BMPR1B: variants seen among roughly 807,000 people sequenced by gnomAD.
BMPR1B encodes the protein bone morphogenetic protein receptor type-1B.
BMPR1B carries 12 observed loss-of-function variants against 59.1 expected under a neutral mutation model. The observed-to-expected ratio is 0.20, with a 90% CI of 0.13 to 0.33. BMPR1B has a LOEUF of 0.33. BMPR1B is among the 10% of genes least tolerant of loss of function. BMPR1B has a pLI of 1.00. For synonymous variants in BMPR1B, 237 were observed against 207.3 expected (o/e 1.14, Z -1.23); for missense variants, 550 against 610.9 (o/e 0.90, Z 1.05).
intron 2 of BMPR1B, among the ~76,000 whole-genome samples, chr4:94,929,388 T>A (rs1729008409): frequency 6.6e-6 from 1 of 152,134 alleles, no homozygotes; most frequent in Non-Finnish European, 1.5e-5. Flanking sequence ...AACTTTTGTA[T>A]CACTTCTGTT....
At chr4:94,972,601 A>G (rs1445553049) in intron 2 of BMPR1B, among the ~76,000 whole-genome samples, 1 of 151,668 alleles carries the variant, frequency 6.6e-6, no homozygotes, top group Non-Finnish European at 1.5e-5. Flanking sequence ...ATAATATTTC[A>G]TCATTGGTCA....
chr4:95,071,483 CATACTG>C (rs2149219830), intron 3 of BMPR1B, among the ~76,000 whole-genome samples: 1 of 151,954 alleles, frequency 6.6e-6, no homozygotes, highest in Non-Finnish European at 1.5e-5. Flanking sequence ...TGTTTAATCT[CATACTG>C]ATACTTTGCA....
chr4:95,066,168 C>A (rs1338160210), intron 3 of BMPR1B, among the ~76,000 whole-genome samples: 4 of 152,164 alleles, frequency 2.6e-5, no homozygotes, highest in Non-Finnish European at 5.9e-5. Context: ...AGGCCCTAGG[C>A]CAGAAAGGCT....
At chr4:94,948,465 T>A (rs572903784) in intron 2 of BMPR1B, among the ~76,000 whole-genome samples, 6 of 152,132 alleles carry the variant, frequency 3.9e-5, no homozygotes, top group Non-Finnish European at 8.8e-5. Context: ...ACAAAACCAG[T>A]ATTTTTGCGG....
intron 1 of BMPR1B, among the ~76,000 whole-genome samples, chr4:94,800,040 T>G (rs1723347869): frequency 1.3e-5 from 2 of 152,200 alleles, no homozygotes; most frequent in Admixed American, 1.3e-4. Flanking sequence ...TAGTGTAGTA[T>G]TTTTGATTGG....
chr4:95,118,809 G>A (rs1243570304), intron 6 of BMPR1B, among the ~76,000 whole-genome samples: 1 of 152,154 alleles, frequency 6.6e-6, no homozygotes, highest in Non-Finnish European at 1.5e-5. Context: ...GAAACAAAAG[G>A]TTTATTGATA....
intron 2 of BMPR1B, among the ~76,000 whole-genome samples, chr4:94,987,519 C>T (rs553815811): frequency 7.2e-4 from 109 of 152,078 alleles, no homozygotes; most frequent in African/African-American, 2.3e-3. Flanking sequence ...TCTCCTCTCC[C>T]ATTGAGACCA....
intron 3 of BMPR1B, among the ~76,000 whole-genome samples, chr4:95,101,497 TC>T (rs1378694670): frequency 1.3e-5 from 2 of 152,076 alleles, no homozygotes; most frequent in African/African-American, 4.8e-5. Flanking sequence ...AATATCCCCT[TC>T]CCCCTTTTAG....
chr4:95,124,653 A>G (rs1307319463), intron 7 of BMPR1B, among the ~76,000 whole-genome samples: 1 of 152,034 alleles, frequency 6.6e-6, no homozygotes, highest in East Asian at 1.9e-4. Flanking sequence ...AAAAGATTTT[A>G]AGGAATAATA....
intron 10 of BMPR1B, among the ~76,000 whole-genome samples, chr4:95,140,253 G>C (rs991129696): frequency 9.9e-5 from 15 of 152,036 alleles, no homozygotes; most frequent in African/African-American, 3.6e-4. Context: ...GCCTTTCCCT[G>C]GTGCTCATTA....
chr4:94,945,966 A>G (rs150252556), intron 2 of BMPR1B, among the ~76,000 whole-genome samples: 385 of 152,190 alleles, frequency 2.5e-3, no homozygotes, highest in African/African-American at 8.7e-3. Context: ...TAACTTTGAA[A>G]TAATGTCTTT....
At chr4:95,010,536 T>C (rs1044375447) in intron 3 of BMPR1B, among the ~76,000 whole-genome samples, 1 of 152,156 alleles carries the variant, frequency 6.6e-6, no homozygotes, top group Non-Finnish European at 1.5e-5. Flanking sequence ...AAAAGAGAAA[T>C]TTCAGTAGTA....
At chr4:94,963,330 A>G (rs1360308149) in intron 2 of BMPR1B, among the ~76,000 whole-genome samples, 1 of 152,092 alleles carries the variant, frequency 6.6e-6, no homozygotes, top group East Asian at 1.9e-4. Context: ...TTTGTTATGC[A>G]GGAGCTTTTC....
At chr4:94,927,852 T>A (rs1728948954) in intron 2 of BMPR1B, among the ~76,000 whole-genome samples, 1 of 152,128 alleles carries the variant, frequency 6.6e-6, no homozygotes, top group Non-Finnish European at 1.5e-5. Flanking sequence ...AGGGCCTAAT[T>A]GCATTGTGGC....
At chr4:95,059,318 A>T (rs1437970645) in intron 3 of BMPR1B, among the ~76,000 whole-genome samples, 1 of 152,222 alleles carries the variant, frequency 6.6e-6, no homozygotes, top group African/African-American at 2.4e-5. Context: ...TCTTATATAT[A>T]TATGTGTGTG....
chr4:94,854,987 T>C (rs950116279), intron 1 of BMPR1B, among the ~76,000 whole-genome samples: 2 of 152,202 alleles, frequency 1.3e-5, no homozygotes, highest in African/African-American at 2.4e-5. Context: ...TCACATTCTT[T>C]TATTCCAGAA....
rs1194133275 is a variant in BMPR1B, at chr4:94,812,819, G to A, written c.-183+54751G>A. Among the ~76,000 whole-genome samples the A allele has an allele frequency of 2.6e-5, 4 of 152,168 alleles. No individual in the cohort carries two copies. The East Asian group carries it at 7.7e-4, about 29-fold the overall frequency. On this transcript the variant is annotated intron_variant, in intron 1 of 12. Transcript: ENST00000515059. ...GTCATTAGAAATTGAAAGGATAACA[G>A]CGTATACAATTGAGTAGCATATTTG...
chr4:94,972,980 G>T (rs1235176375), intron 2 of BMPR1B, among the ~76,000 whole-genome samples: 7 of 152,018 alleles, frequency 4.6e-5, no homozygotes, highest in African/African-American at 1.7e-4. Context: ...GTGTTGGCAG[G>T]AACAAACTCC....
intron 2 of BMPR1B, among the ~76,000 whole-genome samples, chr4:94,903,900 T>C (rs1261672105): frequency 6.6e-6 from 1 of 152,024 alleles, no homozygotes; most frequent in African/African-American, 2.4e-5. Context: ...GCCTCCAGAA[T>C]AGTGAGCAAA....
Sources: allele counts gnomAD v4.1 joint callset (sites outside exome capture counted in the v4.1 genomes callset), GRCh38; gene constraint gnomAD v4.1.1; transcripts MANE v1.5; gene names NCBI Gene and HGNC (gene_info 2026-07-23, HGNC 2026-07-21).